The following FAM168B variants were observed in gnomAD, a reference collection of about 807,000 sequenced individuals.
FAM168B encodes the protein myelin-associated neurite-outgrowth inhibitor.
FAM168B carries 19 observed loss-of-function variants against 21.8 expected under a neutral mutation model. That is an observed-to-expected ratio of 0.87 (90% confidence interval 0.61 to 1.28). The LOEUF is 1.28. Among genes scored for constraint, FAM168B ranks in the 50% most tolerant of loss-of-function variants. The pLI is 0.00. For missense variants in FAM168B, 233 were observed against 263.1 expected (o/e 0.89, Z 0.79); for synonymous variants, 126 against 104.8 (o/e 1.20, Z -1.24).
At position 131,049,706 on chromosome 2, in the gene FAM168B, CTG is replaced by C; in HGVS notation, c.*2757_*2758del. The C allele has an allele frequency of 1.0e-6, 1 of 985,830 alleles. No individual in the cohort carries two copies. The highest frequency in any genetic ancestry group is 1.2e-6 in the Non-Finnish European group (1 of 829,940). The allele number at this position is 985,830 out of a possible 1,614,324, so 61.1% of individuals were successfully genotyped here. A position where few individuals can be genotyped will look rare whatever the true frequency, so the allele number is the denominator to read the frequency against. On this transcript the variant is annotated 3_prime_UTR_variant, in exon 7 of 7. Coordinates refer to ENST00000389915, the MANE Select transcript of FAM168B (RefSeq NM_001009993.4). ...ATGAACTAGGTCCTTTGCTTACCTGCTGTCTCAACTTCTAAAAGAATAGTAAT... is the reference window on the plus strand; with the variant it reads ...ATGAACTAGGTCCTTTGCTTACCTGCTCTCAACTTCTAAAAGAATAGTAAT...
Position 131,050,669 on chromosome 2 carries a change from A to G in FAM168B, c.*1796T>C. ...ATAAGATGTGAAAAAGAAAATTATA[A>G]GAAGTACTTACTATAAAAAATAAGG... On this transcript the variant is annotated 3_prime_UTR_variant, in exon 7 of 7. Coordinates refer to ENST00000389915, the MANE Select transcript of FAM168B (RefSeq NM_001009993.4). 2.0e-6 allele frequency: 2 copies of G among 985,032 alleles called. No homozygotes were observed. Among genetic ancestry groups the G allele is most frequent in the Non-Finnish European group, 2.4e-6 (2 of 829,476 alleles). 61.0% of individuals were successfully genotyped at this position (985,032 alleles called of 1,614,324 possible). A position where few individuals can be genotyped will look rare whatever the true frequency, so the allele number is the denominator to read the frequency against.
At chr2:131,053,692 CAT>C (rs1691835831) in intron 5 of FAM168B, among the ~76,000 whole-genome samples, 1 of 152,052 alleles carries the variant, frequency 6.6e-6, no homozygotes, top group African/African-American at 2.4e-5. Context: ...GCCTGGGCAA[CAT>C]AGTGAGATCC....
intron 2 of FAM168B, among the ~76,000 whole-genome samples, chr2:131,080,492 T>A (rs1353090363): frequency 2.7e-5 from 4 of 150,460 alleles, no homozygotes; most frequent in Admixed American, 6.6e-5. Flanking sequence ...GTGGCATGCA[T>A]CTGTAATCCC....
chr2:131,064,012 G>A (rs1248345154), intron 3 of FAM168B, among the ~76,000 whole-genome samples: 1 of 152,022 alleles, frequency 6.6e-6, no homozygotes, highest in African/African-American at 2.4e-5. Context: ...TTCATTCAGT[G>A]CTAGGTCTTT....
At chr2:131,092,863 C>A (rs956277933) in intron 1 of FAM168B, among the ~76,000 whole-genome samples, 1 of 152,280 alleles carries the variant, frequency 6.6e-6, no homozygotes, top group East Asian at 1.9e-4. Context: ...TGAGCAGTTA[C>A]ACATTGGAAA....
intron 1 of FAM168B, among the ~76,000 whole-genome samples, chr2:131,086,885 G>GA (rs1450280193): frequency 1.9e-5 from 2 of 104,522 alleles, no homozygotes; most frequent in African/African-American, 1.3e-4. Context: ...CTAACACGGT[G>GA]AAACCCCGTC....
chr2:131,053,184 A>G (rs2105453593), intron 5 of FAM168B, among the ~76,000 whole-genome samples, 169 bp from the exon 6 acceptor site: 1 of 152,272 alleles, frequency 6.6e-6, no homozygotes, highest in African/African-American at 2.4e-5. Flanking sequence ...CCACACCCAA[A>G]AGTTGTCTCC....
At chr2:131,063,815 A>C (rs1692423954) in intron 3 of FAM168B, among the ~76,000 whole-genome samples, 2 of 152,122 alleles carry the variant, frequency 1.3e-5, no homozygotes, top group Admixed American at 1.3e-4. Context: ...AATTTAAAAC[A>C]CTAAGTAAAA....
chr2:131,050,208 T>C lies in FAM168B; in HGVS notation c.*2257A>G, dbSNP rs1691575225. On this transcript the variant is annotated 3_prime_UTR_variant, in exon 7 of 7. Transcript: ENST00000389915. The stretch of plus-strand genomic sequence containing the variant: ...GCAAGCCTGAAGAGATGCCTGTAAC[T>C]TCTAACCTCCTCCTGAACCCCAAGA... The C allele has an allele frequency of 1.0e-6, 1 of 985,470 alleles. No homozygotes were observed. Among genetic ancestry groups the C allele is most frequent in the Non-Finnish European group, 1.2e-6 (1 of 829,954 alleles). 61.0% of individuals were successfully genotyped at this position (985,470 alleles called of 1,614,324 possible).
Position 131,050,002 on chromosome 2 carries a change from CAGAA to C in FAM168B, c.*2459_*2462del, listed in dbSNP as rs1553449103. On this transcript the variant is annotated 3_prime_UTR_variant, in exon 7 of 7. Coordinates refer to ENST00000389915, the MANE Select transcript of FAM168B (RefSeq NM_001009993.4). ...GCTGACGTCCTAAAAATTTCAAAGT[CAGAA>C]AGATTTCTGCACGGATGTGCAATGC... 5 of 985,330 alleles carry C rather than the reference CAGAA, an allele frequency of 5.1e-6. No individual in the cohort carries two copies. Among genetic ancestry groups the C allele is most frequent in the Admixed American group, 1.2e-4 (2 of 16,270 alleles). The allele number at this position is 985,330 out of a possible 1,614,324, so 61.0% of individuals were successfully genotyped here.
Position 131,086,858 on chromosome 2 carries a change from G to A in FAM168B, c.-11-4201C>T, listed in dbSNP as rs907481591. Among the ~76,000 whole-genome samples the A allele has an allele frequency of 2.9e-4, 37 of 129,248 alleles. 3 individuals carry two copies. The East Asian group carries it at 7.3e-3, about 26-fold the overall frequency. The allele number at this position is 129,248 out of a possible 152,430, so 84.8% of individuals were successfully genotyped here. Reference sequence around the variant, plus strand: ...AGGCGGGCGGATCACGAGGTCAGGAGATCGAGACCATCCTGGCTAACACGG... The same window carrying A: ...AGGCGGGCGGATCACGAGGTCAGGAAATCGAGACCATCCTGGCTAACACGG... On this transcript the variant is annotated intron_variant, in intron 1 of 6. Coordinates refer to ENST00000389915, the MANE Select transcript of FAM168B (RefSeq NM_001009993.4).
intron 1 of FAM168B, among the ~76,000 whole-genome samples, chr2:131,083,405 T>C (rs1693520698): frequency 6.6e-6 from 1 of 152,126 alleles, no homozygotes; most frequent in Non-Finnish European, 1.5e-5. Flanking sequence ...CCAAGTGTGG[T>C]GACGCACACC....
intron 5 of FAM168B, among the ~76,000 whole-genome samples, chr2:131,054,805 A>G (rs1691916491): frequency 6.6e-6 from 1 of 152,198 alleles, no homozygotes; most frequent in South Asian, 2.1e-4. Flanking sequence ...AGTACGGTAG[A>G]TGAATGCCAA....
intron 3 of FAM168B, among the ~76,000 whole-genome samples, chr2:131,066,665 T>C (rs1005432713): frequency 1.3e-5 from 2 of 152,220 alleles, no homozygotes; most frequent in Non-Finnish European, 2.9e-5. Context: ...CTGACATCTA[T>C]GCCTGATCGT....
chr2:131,081,330 G>T (rs1042453692), intron 2 of FAM168B, among the ~76,000 whole-genome samples: 1 of 152,180 alleles, frequency 6.6e-6, no homozygotes, highest in African/African-American at 2.4e-5. Flanking sequence ...ATGCTAGCAG[G>T]CAGAACTTTG....
intron 2 of FAM168B, among the ~76,000 whole-genome samples, chr2:131,078,596 G>C (rs764540484): frequency 2.0e-5 from 3 of 152,130 alleles, no homozygotes; most frequent in Non-Finnish European, 4.4e-5. Flanking sequence ...AAATAAAATC[G>C]CATCTAGTTA....
At chr2:131,079,470 C>T (rs1693326206) in intron 2 of FAM168B, among the ~76,000 whole-genome samples, 1 of 152,022 alleles carries the variant, frequency 6.6e-6, no homozygotes. Context: ...AGTGAGACTT[C>T]GTCTCAAAAC....
intron 3 of FAM168B, among the ~76,000 whole-genome samples, chr2:131,062,845 C>T (rs1326885585): frequency 6.6e-6 from 1 of 152,222 alleles, no homozygotes; most frequent in African/African-American, 2.4e-5. Flanking sequence ...ACTCAGCATG[C>T]AATGCATGGG....
chr2:131,085,984 T>C (rs1693676052), intron 1 of FAM168B, among the ~76,000 whole-genome samples: 1 of 152,198 alleles, frequency 6.6e-6, no homozygotes, highest in South Asian at 2.1e-4. Flanking sequence ...GTTACTATAC[T>C]GGACAGTGCA....
Sources: gnomAD v4.1 joint callset for allele counts (sites outside exome capture counted in the v4.1 genomes callset) on GRCh38, gnomAD v4.1.1 for gene constraint, MANE v1.5 for transcripts, NCBI Gene and HGNC (gene_info 2026-07-23, HGNC 2026-07-21) for gene names.